Variants in KHDRBS2 observed in about 807,000 individuals in gnomAD.
The protein encoded by KHDRBS2 is KH RNA binding domain containing, signal transduction associated 2, also known as KH domain-containing, RNA-binding, signal transduction-associated protein 2.
KHDRBS2 carries 26 observed loss-of-function variants against 44.3 expected under a neutral mutation model. That is an observed-to-expected ratio of 0.59 (90% CI 0.43 to 0.81). The LOEUF is 0.81. Ranked by LOEUF, KHDRBS2 falls within the 40% of genes least tolerant of loss-of-function variation. The pLI, the probability that KHDRBS2 is intolerant of heterozygous loss-of-function variation, is 0.00. For missense variants in KHDRBS2, 476 were observed against 433.1 expected, an observed-to-expected ratio of 1.10 and a Z score of -0.88; for synonymous variants, 194 against 151.1, an observed-to-expected ratio of 1.28 and a Z score of -2.08.
At chr6:61,559,846 C>T in the KHDRBS2 span, among the ~76,000 whole-genome samples, 1 of 152,200 alleles carries the variant, frequency 6.6e-6, no homozygotes, top group Non-Finnish European at 1.5e-5. Context: ...GAGCAGTTTA[C>T]ATACCACAAT....
chr6:62,113,786 T>C (rs1805575040), intron 2 of KHDRBS2, among the ~76,000 whole-genome samples: 1 of 152,052 alleles, frequency 6.6e-6, no homozygotes, highest in Non-Finnish European at 1.5e-5. Flanking sequence ...TTTACAAATC[T>C]CAAACTCTAA....
chr6:61,920,958 T>C (rs1931805), intron 4 of KHDRBS2, among the ~76,000 whole-genome samples: 72,137 of 151,638 alleles, frequency 0.48, 17,488 homozygotes, highest in East Asian at 0.57. Context: ...TAAGTGAAAA[T>C]AGCTATTCAG....
intron 6 of KHDRBS2, among the ~76,000 whole-genome samples, chr6:61,811,976 A>G (rs1582963952): frequency 6.6e-6 from 1 of 152,242 alleles, no homozygotes; most frequent in Middle Eastern, 3.4e-3. Context: ...CTTTTCCATT[A>G]AAATTATCTT....
the KHDRBS2 span, among the ~76,000 whole-genome samples, chr6:61,575,931 A>AATG: frequency 6.6e-6 from 1 of 152,138 alleles, no homozygotes; most frequent in Non-Finnish European, 1.5e-5. Context: ...AGAATGATAT[A>AATG]ATGAACTTTG....
chr6:62,191,945 G>A (rs745318244), intron 1 of KHDRBS2, among the ~76,000 whole-genome samples: 2 of 151,996 alleles, frequency 1.3e-5, no homozygotes, highest in African/African-American at 2.4e-5. Flanking sequence ...TTATTGATCA[G>A]TGATTAGAAA....
the KHDRBS2 span, among the ~76,000 whole-genome samples, chr6:61,570,588 G>A: frequency 1.0e-3 from 154 of 152,010 alleles, no homozygotes; most frequent in African/African-American, 3.3e-3. Context: ...CAAATTCATC[G>A]GAAAAAAATC....
intron 6 of KHDRBS2, among the ~76,000 whole-genome samples, chr6:61,833,273 C>T (rs1369393873): frequency 6.6e-6 from 1 of 152,110 alleles, no homozygotes; most frequent in African/African-American, 2.4e-5. Flanking sequence ...GTTAGTAATG[C>T]TTTCTGGCCT....
At chr6:62,148,002 C>G (rs1814306650) in intron 2 of KHDRBS2, among the ~76,000 whole-genome samples, 2 of 152,000 alleles carry the variant, frequency 1.3e-5, no homozygotes, top group South Asian at 2.1e-4. Flanking sequence ...TATTCTGAAG[C>G]AAGCAAGCTG....
the KHDRBS2 span, among the ~76,000 whole-genome samples, chr6:61,560,202 GT>G: frequency 6.6e-6 from 1 of 151,962 alleles, no homozygotes; most frequent in Non-Finnish European, 1.5e-5. Context: ...TATGTTATTT[GT>G]TTTTTTACTC....
At chr6:61,817,292 C>T (rs1715020) in intron 6 of KHDRBS2, among the ~76,000 whole-genome samples, 42,746 of 151,870 alleles carry the variant, frequency 0.28, 6,211 homozygotes, top group South Asian at 0.35. Flanking sequence ...CTTGTGTCCA[C>T]GTAGGAGCCC....
At chr6:62,204,000 T>A (rs1290076522) in intron 1 of KHDRBS2, among the ~76,000 whole-genome samples, 1 of 152,144 alleles carries the variant, frequency 6.6e-6, no homozygotes, top group Non-Finnish European at 1.5e-5. Context: ...CCTTCCCCTC[T>A]GCTCCGCTTG....
At chr6:61,733,085 T>G (rs541886902) in intron 6 of KHDRBS2, among the ~76,000 whole-genome samples, 1 of 152,262 alleles carries the variant, frequency 6.6e-6, no homozygotes, top group African/African-American at 2.4e-5. Context: ...CAAGAACAAC[T>G]GTGCTAACTT....
intron 2 of KHDRBS2, among the ~76,000 whole-genome samples, chr6:62,163,311 C>CA (rs1818022437): frequency 6.6e-6 from 1 of 151,952 alleles, no homozygotes; most frequent in South Asian, 2.1e-4. Flanking sequence ...TGGAAACTTA[C>CA]AGGAATAAGG....
the KHDRBS2 span, among the ~76,000 whole-genome samples, chr6:61,636,329 T>C: frequency 6.6e-6 from 1 of 152,216 alleles, no homozygotes; most frequent in South Asian, 2.1e-4. Flanking sequence ...TTGAATTCTA[T>C]GACTCCTGAA....
intron 3 of KHDRBS2, among the ~76,000 whole-genome samples, chr6:61,978,718 T>C (rs561216029): frequency 2.0e-5 from 3 of 152,116 alleles, no homozygotes; most frequent in Admixed American, 6.6e-5. Flanking sequence ...TCCAAGTCTA[T>C]GTTCTCACCA....
intron 3 of KHDRBS2, among the ~76,000 whole-genome samples, chr6:62,009,383 CAA>C (rs1188917838): frequency 7.9e-5 from 12 of 152,068 alleles, no homozygotes; most frequent in African/African-American, 2.9e-4. Context: ...CATTCAATTT[CAA>C]AAGAGAAACA....
At chr6:61,948,029 T>C (rs1240854714) in intron 4 of KHDRBS2, among the ~76,000 whole-genome samples, 2 of 151,430 alleles carry the variant, frequency 1.3e-5, no homozygotes, top group African/African-American at 2.4e-5. Flanking sequence ...TAAGAGTACA[T>C]AAAGGGAAGG....
chr6:61,916,356 C>T (rs922867331), intron 4 of KHDRBS2, among the ~76,000 whole-genome samples: 9 of 152,018 alleles, frequency 5.9e-5, no homozygotes, highest in African/African-American at 9.7e-5. Context: ...TGGGACTCCA[C>T]CCAAACTTTC....
At chr6:62,097,819 T>C (rs1800954415) in intron 2 of KHDRBS2, among the ~76,000 whole-genome samples, 1 of 152,154 alleles carries the variant, frequency 6.6e-6, no homozygotes, top group Admixed American at 6.5e-5. Context: ...CTTTGTTCCT[T>C]TCTGTCCTCC....
Sources: gnomAD v4.1 joint callset for allele counts (sites outside exome capture counted in the v4.1 genomes callset) on GRCh38, gnomAD v4.1.1 for gene constraint, MANE v1.5 for transcripts, NCBI Gene and HGNC (gene_info 2026-07-23, HGNC 2026-07-21) for gene names.